Variants in FAM193A observed in about 807,000 individuals in gnomAD.
FAM193A encodes protein FAM193A.
Under a neutral mutation model 126.5 loss-of-function variants are expected in FAM193A, and 22 were observed. The observed-to-expected ratio is 0.17, with a 90% CI of 0.12 to 0.25. The LOEUF is 0.25. FAM193A is among the 10% of genes least tolerant of loss of function. FAM193A has a pLI of 1.00. For missense variants in FAM193A, 1,675 were observed against 1,672.8 expected, an observed-to-expected ratio of 1.00 and a Z score of -0.02; for synonymous variants, 761 against 646.8, an observed-to-expected ratio of 1.18 and a Z score of -2.68.
intron 18 of FAM193A, among the ~76,000 whole-genome samples, chr4:2,697,453 A>C (rs984619810): frequency 6.6e-6 from 1 of 152,226 alleles, no homozygotes; most frequent in Non-Finnish European, 1.5e-5. Flanking sequence ...TAAAAGTGTC[A>C]GGCTCCAAGA....
In FAM193A at chr4:2,646,811, C is replaced by G; in HGVS notation, c.1290C>G (p.Ile430Met). 6.2e-7 allele frequency: 1 copy of G among 1,613,166 alleles called. No homozygotes were observed. Among genetic ancestry groups the G allele is most frequent in the South Asian group, 1.1e-5 (1 of 90,982 alleles). ...AEEWLECQKR[I>M]DAYVDEQMTM... ...AGTGGCTGGAGTGCCAGAAGAGGAT[C>G]GACGCCTATGTCGACGAGCAGGTGA... Residue 430 changes from isoleucine (I) to methionine (M), a missense_variant, in exon 7 of 21, where the codon ATC becomes ATG. Ile to Met is a conservative substitution (Grantham distance 10, BLOSUM62 1). Coordinates refer to ENST00000637812, the MANE Select transcript of FAM193A (RefSeq NM_001366318.2).
intron 19 of FAM193A, among the ~76,000 whole-genome samples, chr4:2,707,517 T>C (rs1718439343): frequency 6.6e-6 from 1 of 152,098 alleles, no homozygotes; most frequent in Non-Finnish European, 1.5e-5. Context: ...GAAAACCTAG[T>C]GTAAATAAAA....
chr4:2,640,847 C>G (rs1444391364), intron 6 of FAM193A, among the ~76,000 whole-genome samples: 1 of 151,766 alleles, frequency 6.6e-6, no homozygotes, highest in Non-Finnish European at 1.5e-5. Context: ...TACCTGTGAT[C>G]CTGGCTACTT....
chr4:2,637,508 A>G (rs574198553), intron 5 of FAM193A, among the ~76,000 whole-genome samples: 83 of 152,350 alleles, frequency 5.4e-4, no homozygotes, highest in Non-Finnish European at 9.7e-4. Context: ...ATTTCAGTCT[A>G]TTGTAGGAAC....
chr4:2,568,973 C>CTTTTTTTTTTT (rs753557878), intron 1 of FAM193A, among the ~76,000 whole-genome samples: 10 of 90,728 alleles, frequency 1.1e-4, no homozygotes, highest in African/African-American at 2.8e-4. Context: ...TGTTGTTTTG[C>CTTTTTTTTTTT]TTTTTTTTTT....
chr4:2,565,587 T>C (rs1189617297), intron 1 of FAM193A, among the ~76,000 whole-genome samples: 1 of 151,650 alleles, frequency 6.6e-6, no homozygotes, highest in Non-Finnish European at 1.5e-5. Context: ...AAAAAAAAAA[T>C]TCATGTAGTC....
intron 1 of FAM193A, among the ~76,000 whole-genome samples, chr4:2,542,283 G>A (rs954398088): frequency 4.6e-5 from 7 of 152,114 alleles, no homozygotes; most frequent in African/African-American, 1.4e-4. Flanking sequence ...GGGATTACAG[G>A]CGTGAGCAAC....
At chr4:2,549,692 G>A (rs1228124663) in intron 1 of FAM193A, among the ~76,000 whole-genome samples, 1 of 151,330 alleles carries the variant, frequency 6.6e-6, no homozygotes. Flanking sequence ...CACCGCGCCC[G>A]GCCCCCTCTG....
chr4:2,665,189 T>A (rs1191638491), intron 12 of FAM193A, among the ~76,000 whole-genome samples: 1 of 152,246 alleles, frequency 6.6e-6, no homozygotes, highest in African/African-American at 2.4e-5. Flanking sequence ...TCTTTGTGTC[T>A]GGAATATATA....
At chr4:2,701,235 G>A (rs1717697798) in intron 19 of FAM193A, among the ~76,000 whole-genome samples, 1 of 148,018 alleles carries the variant, frequency 6.8e-6, no homozygotes, top group African/African-American at 2.5e-5. Context: ...TTCTCTAATT[G>A]TAGACCTTAC....
chr4:2,729,268 G>A (rs1721106353), intron 20 of FAM193A, among the ~76,000 whole-genome samples: 1 of 152,104 alleles, frequency 6.6e-6, no homozygotes, highest in African/African-American at 2.4e-5. Flanking sequence ...ACCGGGAAGG[G>A]AAGATCGCCT....
In FAM193A at chr4:2,646,828, A is replaced by T. The variant is rs771416431; in HGVS notation, c.1307A>T (p.Glu436Val). The change falls in exon 7 of 21, where the codon GAG (glutamate) becomes GTG (valine). Residue 436 changes from glutamate (E) to valine (V), a missense_variant. This residue lies in a region of FAM193A where 1,186 missense variants were observed against 1,109.2 expected (regional missense o/e 1.07). Coordinates refer to ENST00000637812, the MANE Select transcript of FAM193A (RefSeq NM_001366318.2). ...CQKRIDAYVD[E>V]QMTMKTKQRM... ...AAGAGGATCGACGCCTATGTCGACG[A>T]GCAGGTGAGTGCCACCCGGGACCAC... The T allele has an allele frequency of 2.4e-5, 39 of 1,611,842 alleles. No individual in the cohort carries two copies. In the South Asian group the frequency reaches 4.3e-4, roughly 18 times the overall value.
At chr4:2,618,883 A>G (rs1742369511) in intron 2 of FAM193A, among the ~76,000 whole-genome samples, 1 of 152,046 alleles carries the variant, frequency 6.6e-6, no homozygotes, top group African/African-American at 2.4e-5. Flanking sequence ...GGTGTGAGCC[A>G]CTGCGCCTGG....
intron 1 of FAM193A, among the ~76,000 whole-genome samples, chr4:2,542,311 TG>T (rs1737284122): frequency 6.6e-6 from 1 of 152,194 alleles, no homozygotes; most frequent in Admixed American, 6.6e-5. Flanking sequence ...GGCCATTTTT[TG>T]TATTTTTAGT....
Position 2,693,712 on chromosome 4 carries a change from T to C in FAM193A, c.2930T>C (p.Leu977Pro), listed in dbSNP as rs376768417. The C allele has an allele frequency of 2.9e-5, 46 of 1,613,896 alleles. No homozygotes were observed. The highest frequency in any genetic ancestry group is 1.7e-4 in the Admixed American group (10 of 59,986). The part of the protein sequence containing the change: ...LSPAALSPAA[L>P]SPASTPHLAN... The stretch of plus-strand genomic sequence containing the variant: ...CCTGCTGCGCTGTCACCTGCTGCGC[T>C]CTCACCTGCCTCCACACCTCACCTT... The change falls in exon 16 of 21, where the codon CTC becomes CCC. Residue 977 changes from leucine to proline, a missense_variant. This residue lies in a region of FAM193A where 1,186 missense variants were observed against 1,109.2 expected (regional missense o/e 1.07). Transcript: ENST00000637812.
chr4:2,568,520 AAAAT>A (rs1449581295), intron 1 of FAM193A, among the ~76,000 whole-genome samples: 2 of 152,150 alleles, frequency 1.3e-5, no homozygotes, highest in Admixed American at 1.3e-4. Context: ...CCTGTCTGTA[AAAAT>A]AAATAAATAA....
chr4:2,590,737 G>A (rs1421099169), intron 1 of FAM193A, among the ~76,000 whole-genome samples: 1 of 151,674 alleles, frequency 6.6e-6, no homozygotes, highest in Non-Finnish European at 1.5e-5. Flanking sequence ...TATAGGAAGT[G>A]TAGAAGTTGG....
chr4:2,659,887 C>T lies in FAM193A; in HGVS notation c.1578C>T (p.Ile526=). ...TGGACCCCCCCGTCACTGATGACAT[C>T]CACATTCACCAGCTCCCACTTCAAG... The part of the protein sequence containing the change: ...GIMDPPVTDD[I]HIHQLPLQVD... Residue 526 remains isoleucine (I), a synonymous_variant, in exon 10 of 21, where the codon ATC becomes ATT. Coordinates refer to ENST00000637812, the MANE Select transcript of FAM193A (RefSeq NM_001366318.2). The T allele has an allele frequency of 6.2e-7, 1 of 1,614,156 alleles. No homozygotes were observed. Among genetic ancestry groups the T allele is most frequent in the Non-Finnish European group, 8.5e-7 (1 of 1,180,026 alleles).
intron 13 of FAM193A, 75 bp from the exon 14 acceptor site, chr4:2,689,431 G>C (rs1716110288): frequency 9.2e-7 from 1 of 1,081,658 alleles, no homozygotes; most frequent in Non-Finnish European, 1.3e-6. Flanking sequence ...TGAATTGTCT[G>C]TCTGTAGTTT....
Sources: allele counts gnomAD v4.1 joint callset (sites outside exome capture counted in the v4.1 genomes callset), GRCh38; gene constraint gnomAD v4.1.1; regional missense constraint gnomAD v4.1.1; transcripts MANE v1.5; gene names NCBI Gene and HGNC (gene_info 2026-07-23, HGNC 2026-07-21).